The following DCUN1D2 variants were observed in gnomAD, a reference collection of about 807,000 sequenced individuals.
DCUN1D2 encodes the protein DCN1-like protein 2.
Under a neutral mutation model 30.9 loss-of-function variants are expected in DCUN1D2, and 29 were observed. The ratio of observed to expected loss-of-function variants is 0.94; its 90% CI spans 0.70 to 1.28. The LOEUF is 1.28. Ranked by LOEUF, DCUN1D2 falls within the 50% of genes most tolerant of loss-of-function variation. DCUN1D2 has a pLI of 0.00. For synonymous variants in DCUN1D2, 121 were observed against 115.3 expected, an observed-to-expected ratio of 1.05 and a Z score of -0.32; for missense variants, 325 against 316.9, an observed-to-expected ratio of 1.03 and a Z score of -0.19.
intron 6 of DCUN1D2, 94 bp downstream of exon 6, chr13:113,459,218 C>A: frequency 2.8e-6 from 2 of 726,968 alleles, no homozygotes; most frequent in Non-Finnish European, 5.1e-6. Flanking sequence ...CCACGCCCAT[C>A]TCAGTGACGG....
Position 113,458,767 on chromosome 13 carries a change from G to A in DCUN1D2, c.700+545C>T, listed in dbSNP as rs904392643. Among the ~76,000 whole-genome samples, 3 of 152,298 alleles carry A rather than the reference G, an allele frequency of 2.0e-5. No homozygotes were observed. The South Asian group carries it at 6.2e-4, about 32-fold the overall frequency. ...CAGGGCCCAGAACAGATCACTGCCCGCCGAGGGGGCAGGGAGGAAGCAAAG... is the reference window on the plus strand; with the variant it reads ...CAGGGCCCAGAACAGATCACTGCCCACCGAGGGGGCAGGGAGGAAGCAAAG... On this transcript the variant is annotated intron_variant, in intron 6 of 6. Coordinates refer to ENST00000478244, the MANE Select transcript of DCUN1D2 (RefSeq NM_001014283.2).
intron 4 of DCUN1D2, among the ~76,000 whole-genome samples, chr13:113,469,518 A>G (rs559285583): frequency 6.8e-6 from 1 of 146,598 alleles, no homozygotes; most frequent in Non-Finnish European, 1.5e-5. Flanking sequence ...CGTCCCTCCA[A>G]AAAAAGTTTA....
At position 113,475,531 on chromosome 13, in the gene DCUN1D2, GTC is replaced by G. The variant is rs1595581146; in HGVS notation, c.390-1279_390-1278del. The G allele has an allele frequency of 2.0e-5, 3 of 152,404 alleles. No individual in the cohort carries two copies. In the East Asian group the frequency reaches 5.8e-4, roughly 29 times the overall value. The allele number at this position is 152,404 out of a possible 1,614,324, so 9.4% of individuals were successfully genotyped here. A position where few individuals can be genotyped will look rare whatever the true frequency, so the allele number is the denominator to read the frequency against. On this transcript the variant is annotated intron_variant, in intron 3 of 6. Transcript: ENST00000478244. ...GATGCACTTCTCAGAACGTGTCCCTGTCTCTGAGTGACGCATGGCTGTACTGC... is the reference window on the plus strand; with the variant it reads ...GATGCACTTCTCAGAACGTGTCCCTGTCTGAGTGACGCATGGCTGTACTGC...
chr13:113,460,034 G>A (rs540213646), intron 5 of DCUN1D2, among the ~76,000 whole-genome samples: 208 of 152,368 alleles, frequency 1.4e-3, no homozygotes, highest in Middle Eastern at 6.8e-3. Context: ...GGAAACATCT[G>A]TGACTTAGGT....
At chr13:113,467,032 T>A (rs2044416436) in intron 4 of DCUN1D2, among the ~76,000 whole-genome samples, 1 of 151,998 alleles carries the variant, frequency 6.6e-6, no homozygotes, top group Non-Finnish European at 1.5e-5. Flanking sequence ...GTGGTCTCGA[T>A]CTCCTGACCT....
At chr13:113,460,166 G>A (rs1415094841) in intron 5 of DCUN1D2, among the ~76,000 whole-genome samples, 1 of 152,212 alleles carries the variant, frequency 6.6e-6, no homozygotes, top group Non-Finnish European at 1.5e-5. Flanking sequence ...GTCTCTCCAT[G>A]GCAAACCCAC....
At chr13:113,464,810 G>A (rs1448108504) in intron 4 of DCUN1D2, among the ~76,000 whole-genome samples, 1 of 152,250 alleles carries the variant, frequency 6.6e-6, no homozygotes, top group African/African-American at 2.4e-5. Context: ...ACTGTCATTT[G>A]AAGCCACTGC....
Position 113,458,015 on chromosome 13 carries a change from G to A in DCUN1D2, c.*14C>T. 1 of 1,610,202 alleles carries A rather than the reference G, an allele frequency of 6.2e-7. No individual in the cohort carries two copies. On this transcript the variant is annotated 3_prime_UTR_variant, in exon 7 of 7. Transcript: ENST00000478244. ...CAAATCATTTCATAATCTTACTCCT[G>A]CTTAACTTGCTGCCTAGAAAAGGCT...
At chr13:113,465,692 G>A (rs1252350082) in intron 4 of DCUN1D2, among the ~76,000 whole-genome samples, 4 of 144,284 alleles carry the variant, frequency 2.8e-5, no homozygotes, top group Non-Finnish European at 6.0e-5. Context: ...TTTTTAATAC[G>A]GTCTGGCTCT....
At chr13:113,459,607 GATTT>G (rs1473916545) in intron 5 of DCUN1D2, 199 bp from the exon 6 acceptor site, 4 of 416,146 alleles carry the variant, frequency 9.6e-6, no homozygotes, top group East Asian at 3.7e-5. Context: ...ATAGAAAGCA[GATTT>G]ATTTAAGAAC....
intron 4 of DCUN1D2, among the ~76,000 whole-genome samples, chr13:113,468,661 G>A (rs1202724976): frequency 3.3e-5 from 5 of 152,128 alleles, no homozygotes; most frequent in Admixed American, 1.3e-4. Context: ...TAAAGGGGGC[G>A]GGGGAGGGCC....
rs965551684 is a variant in DCUN1D2, at chr13:113,457,376, G to C, written c.*653C>G. 1 of 152,196 alleles carries C rather than the reference G, an allele frequency of 6.6e-6. No individual in the cohort carries two copies. Among genetic ancestry groups the C allele is most frequent in the Admixed American group, 6.5e-5 (1 of 15,270 alleles). The allele number at this position is 152,196 out of a possible 1,614,324, so 9.4% of individuals were successfully genotyped here. On this transcript the variant is annotated 3_prime_UTR_variant, in exon 7 of 7. Coordinates refer to ENST00000478244, the MANE Select transcript of DCUN1D2 (RefSeq NM_001014283.2). ...ATAAACTCTGCTGGAATCGTGCCAC[G>C]TGTGCCGTTGCTATGCAAAGCTACA...
At chr13:113,468,644 G>A (rs781670487) in intron 4 of DCUN1D2, among the ~76,000 whole-genome samples, 1 of 152,150 alleles carries the variant, frequency 6.6e-6, no homozygotes, top group Non-Finnish European at 1.5e-5. Flanking sequence ...CTATGAGGAC[G>A]CAGCACTAAA....
At position 113,490,039 on chromosome 13, in the gene DCUN1D2, C is replaced by T. The variant is rs2044910322; in HGVS notation, c.3+628G>A. Among the ~76,000 whole-genome samples the T allele has an allele frequency of 6.6e-6, 1 of 152,176 alleles. No individual in the cohort carries two copies. Among genetic ancestry groups the T allele is most frequent in the African/African-American group, 2.4e-5 (1 of 41,436 alleles). ...TGTGGACTGAATAAATCCCATCCATCACCATTTCCACCACATTTCAAAGTA... is the reference window on the plus strand; with the variant it reads ...TGTGGACTGAATAAATCCCATCCATTACCATTTCCACCACATTTCAAAGTA... On this transcript the variant is annotated intron_variant, in intron 1 of 6. Transcript: ENST00000478244. The surrounding 1 kb of genome is among the most constrained non-coding windows in gnomAD (Gnocchi z 5.2).
In DCUN1D2 at chr13:113,455,947, A is replaced by T; in HGVS notation, c.*2082T>A. The stretch of plus-strand genomic sequence containing the variant: ...TTTGTCCAATGATTAATATTTTGAT[A>T]TCTATTGACAATCCCTTAGAACTTT... On this transcript the variant is annotated 3_prime_UTR_variant, in exon 7 of 7. Transcript: ENST00000478244. 2.9e-6 allele frequency: 1 copy of T among 346,960 alleles called. No homozygotes were observed. Among genetic ancestry groups the T allele is most frequent in the East Asian group, 4.4e-5 (1 of 22,870 alleles). 21.5% of individuals were successfully genotyped at this position (346,960 alleles called of 1,614,324 possible). A position where few individuals can be genotyped will look rare whatever the true frequency, so the allele number is the denominator to read the frequency against.
chr13:113,469,941 A>G (rs2044473675), intron 4 of DCUN1D2, among the ~76,000 whole-genome samples: 1 of 152,172 alleles, frequency 6.6e-6, no homozygotes, highest in African/African-American at 2.4e-5. Context: ...CACAAATGAG[A>G]ATTAGGAAAA....
At chr13:113,489,163 T>TATAC (rs1205060554) in intron 1 of DCUN1D2, 1 of 985,244 alleles carries the variant, frequency 1.0e-6, no homozygotes, top group Non-Finnish European at 1.2e-6. Context: ...TCTGTTTCGG[T>TATAC]ATACAGCACG....
chr13:113,471,896 T>C (rs2044522076), intron 4 of DCUN1D2, among the ~76,000 whole-genome samples: 1 of 152,130 alleles, frequency 6.6e-6, no homozygotes, highest in Non-Finnish European at 1.5e-5. Context: ...ACAGAAGCCC[T>C]GGTGATGAGC....
chr13:113,477,222 T>A (rs1425551917), intron 3 of DCUN1D2, among the ~76,000 whole-genome samples: 2 of 152,230 alleles, frequency 1.3e-5, no homozygotes, highest in Non-Finnish European at 2.9e-5. Context: ...ACATTCAATA[T>A]AAAAAGCTAA....
Sources: allele counts gnomAD v4.1 joint callset (sites outside exome capture counted in the v4.1 genomes callset), GRCh38; gene constraint gnomAD v4.1.1; non-coding constraint Gnocchi (gnomAD v3.1); transcripts MANE v1.5; gene names NCBI Gene and HGNC (gene_info 2026-07-23, HGNC 2026-07-21).